TLN2: variants seen among roughly 807,000 people sequenced by gnomAD.
TLN2 encodes talin 2, also known as talin-2.
TLN2 carries 118 observed loss-of-function variants against 294.7 expected under a neutral mutation model. The ratio of observed to expected loss-of-function variants is 0.40; its 90% CI spans 0.34 to 0.47. The LOEUF (loss-of-function observed/expected upper bound fraction) is 0.47, where lower values mean the gene tolerates loss of function less well. Among genes scored for constraint, TLN2 ranks in the 20% least tolerant of loss-of-function variants. TLN2 has a pLI of 0.84. For missense variants in TLN2, 3,083 were observed against 3,282.2 expected, an observed-to-expected ratio of 0.94 and a Z score of 1.48; for synonymous variants, 1,431 against 1,304.5, an observed-to-expected ratio of 1.10 and a Z score of -2.09.
At chr15:62,750,336 T>C in intron 33 of TLN2, 66 bp from the exon 34 acceptor site, 4 of 1,304,834 alleles carry the variant, frequency 3.1e-6, no homozygotes, top group Non-Finnish European at 3.3e-6. Context: ...TAGTTGGCAG[T>C]TGATGTTGAA....
intron 58 of TLN2, 36 bp from the exon 59 acceptor site, chr15:62,840,446 G>C: frequency 6.2e-7 from 1 of 1,612,784 alleles, no homozygotes; most frequent in Non-Finnish European, 8.5e-7. Flanking sequence ...TTTCTACAAA[G>C]TGTTAGGTCC....
At chr15:62,717,092 G>C (rs1025639172) in intron 23 of TLN2, among the ~76,000 whole-genome samples, 1 of 152,130 alleles carries the variant, frequency 6.6e-6, no homozygotes, top group African/African-American at 2.4e-5. Context: ...TAACATTGTT[G>C]TTCTTGGACA....
At chr15:62,758,683 C>T (rs1007948737) in intron 37 of TLN2, 5 of 152,162 alleles carry the variant, frequency 3.3e-5, no homozygotes, top group African/African-American at 1.2e-4. Flanking sequence ...CTTGGTCATC[C>T]CTATGTTTGG....
intron 1 of TLN2, among the ~76,000 whole-genome samples, chr15:62,545,928 A>G (rs1110366): frequency 0.13 from 20,081 of 152,170 alleles, 1,412 homozygotes; most frequent in African/African-American, 0.18. Flanking sequence ...GGACTTGGCA[A>G]TGTCTCAGCA....
rs2052793132 is a variant in TLN2, at chr15:62,653,185, T to C, written c.388T>C (p.Ser130Pro). 1.3e-6 allele frequency: 2 copies of C among 1,590,450 alleles called. No individual in the cohort carries two copies. Among genetic ancestry groups the C allele is most frequent in the African/African-American group, 2.7e-5 (2 of 74,076 alleles). ...RIGITNYEEY[S>P]LIQETIEEKK... ...AGGAATAACAAATTATGAAGAATAC[T>C]CCTTAATCCAAGAAACTATTGAAGA... is the stretch of plus-strand genomic sequence containing the variant. Residue 130 changes from serine (S) to proline (P), a missense_variant, in exon 7 of 59, where the codon TCC becomes CCC. Ser to Pro is a moderately conservative substitution (Grantham distance 74). Transcript: ENST00000636159.
intron 1 of TLN2, among the ~76,000 whole-genome samples, chr15:62,438,691 C>G (rs1252154077): frequency 6.6e-6 from 1 of 152,194 alleles, no homozygotes; most frequent in Non-Finnish European, 1.5e-5. Flanking sequence ...CCATATAAAA[C>G]CCCTGGAACA....
intron 3 of TLN2, among the ~76,000 whole-genome samples, chr15:62,631,863 A>G (rs2049931705): frequency 6.6e-6 from 1 of 151,994 alleles, no homozygotes; most frequent in Non-Finnish European, 1.5e-5. Context: ...TATGGGCATG[A>G]GCCACCATGC....
At chr15:62,579,107 G>T (rs2044692113) in intron 1 of TLN2, among the ~76,000 whole-genome samples, 1 of 152,150 alleles carries the variant, frequency 6.6e-6, no homozygotes. Context: ...AGGCTGAGGA[G>T]AATTAATTTT....
At chr15:62,558,944 T>TA (rs1440592002) in intron 1 of TLN2, among the ~76,000 whole-genome samples, 1 of 152,228 alleles carries the variant, frequency 6.6e-6, no homozygotes, top group Non-Finnish European at 1.5e-5. Context: ...TTTAGGCAGA[T>TA]ACAGGGAGAG....
chr15:62,539,794 C>T (rs2041568241), intron 1 of TLN2, among the ~76,000 whole-genome samples: 1 of 152,000 alleles, frequency 6.6e-6, no homozygotes, highest in African/African-American at 2.4e-5. Context: ...CCATCATCTA[C>T]CCTTTTGTTT....
chr15:62,429,829 A>G (rs567017472), intron 1 of TLN2, among the ~76,000 whole-genome samples: 1 of 152,314 alleles, frequency 6.6e-6, no homozygotes, highest in South Asian at 2.1e-4. Context: ...TCCTTGGCAA[A>G]GATTATTCAG....
At chr15:62,737,725 G>A (rs2061103891) in intron 29 of TLN2, among the ~76,000 whole-genome samples, 1 of 152,236 alleles carries the variant, frequency 6.6e-6, no homozygotes, top group Non-Finnish European at 1.5e-5. Context: ...CCCTTGGGCA[G>A]AGTGAGGTTT....
intron 1 of TLN2, among the ~76,000 whole-genome samples, chr15:62,582,217 C>CACACACAT (rs2045134641): frequency 7.4e-6 from 1 of 135,830 alleles, no homozygotes; most frequent in Non-Finnish European, 1.6e-5. Flanking sequence ...CACACACACA[C>CACACACAT]ACACACACAC....
At chr15:62,437,105 T>C (rs1275999128) in intron 1 of TLN2, among the ~76,000 whole-genome samples, 1 of 152,256 alleles carries the variant, frequency 6.6e-6, no homozygotes, top group Admixed American at 6.5e-5. Context: ...CAATGGACTT[T>C]TTAATCACTT....
intron 1 of TLN2, among the ~76,000 whole-genome samples, chr15:62,587,770 C>T (rs562742295): frequency 1.1e-4 from 16 of 152,312 alleles, no homozygotes; most frequent in East Asian, 7.7e-4. Flanking sequence ...TACAGAATGA[C>T]GTTTCCAATT....
chr15:62,493,286 C>T (rs534445969), intron 1 of TLN2, among the ~76,000 whole-genome samples: 5 of 152,288 alleles, frequency 3.3e-5, no homozygotes, highest in African/African-American at 7.2e-5. Flanking sequence ...TCTTGCCTCT[C>T]CCACCTAATG....
At position 62,771,109 on chromosome 15, in the gene TLN2, C is replaced by G. The variant is rs2063325886; in HGVS notation, c.5342C>G (p.Ala1781Gly). 3 of 1,610,974 alleles carry G rather than the reference C, an allele frequency of 1.9e-6. No homozygotes were observed. The South Asian group carries it at 3.3e-5, about 18-fold the overall frequency. The change falls in exon 42 of 59, where the codon GCC becomes GGC. Residue 1781 changes from alanine to glycine, a missense_variant. Ala to Gly is a moderately conservative substitution (Grantham distance 60). Transcript: ENST00000636159. ...TCTGCCTTGCAGATGTTGTATGCAGCCAAAGAAGGTGGCGGAAACCCCAAG... is the reference window on the plus strand; with the variant it reads ...TCTGCCTTGCAGATGTTGTATGCAGGCAAAGAAGGTGGCGGAAACCCCAAG... The part of the protein sequence containing the change: ...AESALQMLYA[A>G]KEGGGNPKAQ...
At chr15:62,686,542 A>G (rs2057307691) in intron 11 of TLN2, 99 bp from the exon 12 acceptor site, 8 of 1,384,194 alleles carry the variant, frequency 5.8e-6, no homozygotes, top group Non-Finnish European at 6.7e-6. Flanking sequence ...GTTTTGAAAG[A>G]CAGTGTATGC....
intron 1 of TLN2, among the ~76,000 whole-genome samples, chr15:62,391,321 C>T (rs1224227477): frequency 6.6e-6 from 1 of 152,210 alleles, no homozygotes; most frequent in Non-Finnish European, 1.5e-5. Flanking sequence ...GGGCGAACTG[C>T]TGGCCGCTGA....
Sources: allele counts gnomAD v4.1 joint callset (sites outside exome capture counted in the v4.1 genomes callset), GRCh38; gene constraint gnomAD v4.1.1; transcripts MANE v1.5; gene names NCBI Gene and HGNC (gene_info 2026-07-23, HGNC 2026-07-21).